PTPRT: variants seen among roughly 807,000 people sequenced by gnomAD.
PTPRT encodes the protein protein tyrosine phosphatase receptor type T.
PTPRT carries 56 observed loss-of-function variants against 176.8 expected under a neutral mutation model. That is an observed-to-expected ratio of 0.32 (90% CI 0.26 to 0.40). The LOEUF is 0.40. Ranked by LOEUF, PTPRT falls within the 10% of genes least tolerant of loss-of-function variation. PTPRT has a pLI of 1.00. For missense variants in PTPRT, 1,540 were observed against 1,908.2 expected, an observed-to-expected ratio of 0.81 and a Z score of 3.60; for synonymous variants, 783 against 739.0, an observed-to-expected ratio of 1.06 and a Z score of -0.96.
intron 21 of PTPRT, chr20:42,116,024 C>T: frequency 1.4e-6 from 1 of 720,180 alleles, no homozygotes; most frequent in Non-Finnish European, 2.6e-6. Flanking sequence ...CTTAAAAGAA[C>T]AAAAGCATGA....
chr20:42,649,553 G>A (rs1308612811), intron 7 of PTPRT, among the ~76,000 whole-genome samples: 1 of 152,112 alleles, frequency 6.6e-6, no homozygotes, highest in African/African-American at 2.4e-5. Flanking sequence ...AGTTCATGGA[G>A]GCACACATTT....
intron 6 of PTPRT, among the ~76,000 whole-genome samples, chr20:42,743,070 G>T (rs751588824): frequency 6.6e-6 from 1 of 152,128 alleles, no homozygotes; most frequent in Non-Finnish European, 1.5e-5. Context: ...ACATTTTGCC[G>T]CTGATTAACT....
At chr20:42,140,394 G>A (rs558644029) in intron 18 of PTPRT, among the ~76,000 whole-genome samples, 1 of 152,282 alleles carries the variant, frequency 6.6e-6, no homozygotes, top group African/African-American at 2.4e-5. Flanking sequence ...CATTTTGCAC[G>A]AGATAACTTT....
chr20:42,241,427 C>A (rs1456632300), intron 14 of PTPRT, among the ~76,000 whole-genome samples: 1 of 152,090 alleles, frequency 6.6e-6, no homozygotes, highest in East Asian at 1.9e-4. Context: ...GCAGCTTGGT[C>A]TCAGTCCCAT....
chr20:42,710,829 G>C (rs889969221), intron 6 of PTPRT, among the ~76,000 whole-genome samples: 5 of 152,378 alleles, frequency 3.3e-5, no homozygotes, highest in South Asian at 2.1e-4. Context: ...CAACCCATGA[G>C]AGCAGCCACA....
chr20:42,989,519 G>C (rs2146103935), intron 1 of PTPRT, among the ~76,000 whole-genome samples: 1 of 152,304 alleles, frequency 6.6e-6, no homozygotes, highest in East Asian at 1.9e-4. Context: ...GGCTGACAAG[G>C]ACTGCCCAGG....
chr20:43,142,464 C>T (rs1269707019), intron 1 of PTPRT, among the ~76,000 whole-genome samples: 2 of 152,194 alleles, frequency 1.3e-5, no homozygotes, highest in African/African-American at 4.8e-5. Flanking sequence ...GAGTGAGTCC[C>T]AGGCATGTCT....
intron 1 of PTPRT, among the ~76,000 whole-genome samples, chr20:42,905,744 A>AG (rs2079467557): frequency 1.3e-5 from 2 of 152,214 alleles, no homozygotes; most frequent in African/African-American, 4.8e-5. Flanking sequence ...GCCATAAAAA[A>AG]GGATGAGTTC....
chr20:42,572,873 C>T (rs1002279238), intron 7 of PTPRT, among the ~76,000 whole-genome samples: 4 of 151,856 alleles, frequency 2.6e-5, no homozygotes, highest in South Asian at 2.1e-4. Context: ...GTTACTAAGT[C>T]CCCTAAGGCA....
At chr20:42,086,753 A>AAATATATATATATATATATAT (rs1983991312) in intron 27 of PTPRT, among the ~76,000 whole-genome samples, 1 of 95,532 alleles carries the variant, frequency 1.0e-5, no homozygotes, top group Non-Finnish European at 2.0e-5. Flanking sequence ...AAAAAAAAAA[A>AAATATATATATATATATATAT]ATATATATAT....
chr20:42,543,137 T>C (rs1205025528), intron 7 of PTPRT, among the ~76,000 whole-genome samples: 2 of 152,172 alleles, frequency 1.3e-5, no homozygotes, highest in Non-Finnish European at 2.9e-5. Context: ...ACAGTGAAGT[T>C]TGCAGTATCA....
At position 42,499,175 on chromosome 20, in the gene PTPRT, A is replaced by G. The variant is rs112165382; in HGVS notation, c.1154-26613T>C. Among the ~76,000 whole-genome samples, 729 of 152,288 alleles carry G rather than the reference A, an allele frequency of 4.8e-3. 6 individuals carry two copies. The highest frequency in any genetic ancestry group is 0.017 in the African/African-American group (696 of 41,544). ...CAAAATTAACTGTAGTACATACTGT[A>G]CTACTGTGGCAATTTTGTGCAGTTA... is the stretch of plus-strand genomic sequence containing the variant. On this transcript the variant is annotated intron_variant, in intron 7 of 30. Transcript: ENST00000373187.
chr20:43,111,531 G>A (rs1285988368), intron 1 of PTPRT, among the ~76,000 whole-genome samples: 20 of 135,036 alleles, frequency 1.5e-4, no homozygotes, highest in Middle Eastern at 4.3e-3. Context: ...GGGACAGAGC[G>A]AGACTCCGTC....
chr20:42,330,640 A>G lies in PTPRT; in HGVS notation c.1866-14644T>C, dbSNP rs760792450. Among the ~76,000 whole-genome samples the G allele has an allele frequency of 2.6e-5, 4 of 151,238 alleles. No individual in the cohort carries two copies. In the East Asian group the frequency reaches 7.9e-4, roughly 30 times the overall value. On this transcript the variant is annotated intron_variant, in intron 11 of 30. Transcript: ENST00000373187. ...GTGATCCCACTGCTTTGGAAGGATC[A>G]AGTTTGATGCTGCAGTGAGCTATGA...
chr20:43,181,127 G>T (rs1286049254), intron 1 of PTPRT, among the ~76,000 whole-genome samples: 1 of 152,120 alleles, frequency 6.6e-6, no homozygotes, highest in Non-Finnish European at 1.5e-5. Context: ...ATGAGAGACG[G>T]AGGTCCTCAA....
chr20:42,458,911 A>T (rs140037235), intron 8 of PTPRT, among the ~76,000 whole-genome samples: 1 of 152,262 alleles, frequency 6.6e-6, no homozygotes, highest in Non-Finnish European at 1.5e-5. Context: ...ACAAGGAAAA[A>T]ATCTTGTCTC....
intron 6 of PTPRT, among the ~76,000 whole-genome samples, chr20:42,735,636 T>G (rs775194049): frequency 6.6e-6 from 1 of 152,222 alleles, no homozygotes. Context: ...CACATTGAAC[T>G]GCACGCACGA....
intron 2 of PTPRT, among the ~76,000 whole-genome samples, chr20:42,856,422 T>A (rs2078564481): frequency 6.6e-6 from 1 of 152,154 alleles, no homozygotes; most frequent in African/African-American, 2.4e-5. Flanking sequence ...CAAAGATTTT[T>A]TTTTAAAACT....
chr20:42,811,155 T>C (rs1323351983), intron 2 of PTPRT, among the ~76,000 whole-genome samples: 5 of 152,220 alleles, frequency 3.3e-5, no homozygotes, highest in Admixed American at 6.5e-5. Context: ...CATATTCATT[T>C]TGAGGAATTC....
Sources: gnomAD v4.1 joint callset for allele counts (sites outside exome capture counted in the v4.1 genomes callset) on GRCh38, gnomAD v4.1.1 for gene constraint, MANE v1.5 for transcripts, NCBI Gene and HGNC (gene_info 2026-07-23, HGNC 2026-07-21) for gene names.